The following PCDHA3 variants were observed in gnomAD, a reference collection of about 807,000 sequenced individuals.
PCDHA3 encodes protocadherin alpha-3.
In PCDHA3, 41 loss-of-function variants were observed where a neutral mutation model predicts 62.2. The ratio of observed to expected loss-of-function variants is 0.66; its 90% CI spans 0.51 to 0.86. The LOEUF (loss-of-function observed/expected upper bound fraction) is 0.86. Among genes scored for constraint, PCDHA3 ranks in the 40% least tolerant of loss-of-function variants. The probability of loss-of-function intolerance (pLI) is 0.00; values close to 1 mark genes in which losing one functional copy is unlikely to be tolerated. For missense variants in PCDHA3, 1,304 were observed against 1,241.2 expected (o/e 1.05, Z -0.76); for synonymous variants, 640 against 555.4 (o/e 1.15, Z -2.14).
At position 140,836,025 on chromosome 5, in the gene PCDHA3, A is replaced by G. The variant is rs2150250973; in HGVS notation, c.2394+32434A>G. 6 of 1,613,528 alleles carry G rather than the reference A, an allele frequency of 3.7e-6. 1 individual carries two copies. In the South Asian group the frequency reaches 5.5e-5, roughly 15 times the overall value. Reference sequence around the variant, plus strand: ...TGCGGGCGTGCCGCCTCTGGGCAGCAACGTGACGCTGCAGGTGTTCGTGCT... The same window carrying G: ...TGCGGGCGTGCCGCCTCTGGGCAGCGACGTGACGCTGCAGGTGTTCGTGCT... On this transcript the variant is annotated intron_variant, in intron 1 of 3. Coordinates refer to ENST00000522353, the MANE Select transcript of PCDHA3 (RefSeq NM_018906.3).
chr5:140,802,605 C>T lies in PCDHA3; in HGVS notation c.1408C>T (p.Pro470Ser), dbSNP rs782236184. 6.2e-7 allele frequency: 1 copy of T among 1,614,074 alleles called. No individual in the cohort carries two copies. Among genetic ancestry groups the T allele is most frequent in the Non-Finnish European group, 8.5e-7 (1 of 1,179,974 alleles). The change falls in exon 1 of 4, where the codon CCG (proline) becomes TCG (serine). Residue 470 changes from proline to serine, a missense_variant. Transcript: ENST00000522353. ...GGTGTTCGTGAAGGAGAACAACCCG[C>T]CGGGCTGCCACATCTTCACGGTGTC... ...YTVFVKENNPPGCHIFTVSAR... is the reference protein window; with the variant it reads ...YTVFVKENNPSGCHIFTVSAR...
intron 1 of PCDHA3, chr5:140,807,083 A>G: frequency 1.6e-6 from 2 of 1,274,064 alleles, no homozygotes; most frequent in Admixed American, 2.2e-5. Flanking sequence ...CACTCTTTGG[A>G]GTCTGAAATA....
intron 1 of PCDHA3, chr5:140,853,622 T>C: frequency 2.0e-6 from 2 of 988,456 alleles, no homozygotes; most frequent in Non-Finnish European, 2.4e-6. Context: ...TAAATAAGTA[T>C]ACAAGATCAC....
At position 140,801,917 on chromosome 5, in the gene PCDHA3, A is replaced by G. The variant is rs1554121766; in HGVS notation, c.720A>G (p.Pro240=). The change falls in exon 1 of 4, where the codon CCA becomes CCG. Residue 240 remains proline (P), a synonymous_variant. Transcript: ENST00000522353. ...ITVLDVNDNA[P]AFERTIYKVR... ...TTTTAGATGTAAACGACAACGCCCC[A>G]GCGTTTGAGAGGACGATCTATAAAG... 6.2e-7 allele frequency: 1 copy of G among 1,614,218 alleles called. No homozygotes were observed. The highest frequency in any genetic ancestry group is 8.5e-7 in the Non-Finnish European group (1 of 1,180,038).
chr5:140,882,637 G>A (rs540228460), intron 1 of PCDHA3: 1 of 1,614,234 alleles, frequency 6.2e-7, no homozygotes, highest in African/African-American at 1.3e-5. Flanking sequence ...AGGTGAAGGT[G>A]AGGGACATTA....
In PCDHA3 at chr5:140,942,596, A is replaced by T. The variant is rs116159999; in HGVS notation, c.2395-36353A>T. On this transcript the variant is annotated intron_variant, in intron 1 of 3. Coordinates refer to ENST00000522353, the MANE Select transcript of PCDHA3 (RefSeq NM_018906.3). ...CCCATATAGGATGTCACATATAATT[A>T]TAGTGTTTATATTTGCCAATTGTAA... 7.0e-3 allele frequency among the ~76,000 whole-genome samples: 992 copies of T among 142,408 alleles called. 16 individuals carry two copies. Among genetic ancestry groups the T allele is most frequent in the African/African-American group, 0.025 (912 of 36,952 alleles). 93.4% of individuals were successfully genotyped at this position (142,408 alleles called of 152,430 possible).
At chr5:140,902,125 A>G (rs530625414) in intron 1 of PCDHA3, among the ~76,000 whole-genome samples, 27 of 150,728 alleles carry the variant, frequency 1.8e-4, no homozygotes, top group African/African-American at 6.1e-4. Context: ...CTGAGATTAT[A>G]TCATCTGCAA....
chr5:140,850,760 G>T lies in PCDHA3; in HGVS notation c.2394+47169G>T. 1.3e-6 allele frequency: 2 copies of T among 1,598,100 alleles called. 1 individual carries two copies. The highest frequency in any genetic ancestry group is 1.7e-6 in the Non-Finnish European group (2 of 1,167,646). On this transcript the variant is annotated intron_variant, in intron 1 of 3. Coordinates refer to ENST00000522353, the MANE Select transcript of PCDHA3 (RefSeq NM_018906.3). ...GTTGGTCGTACTCGCAGCAGAGGAGGCAGAGGGTGTGCTCTGGCGAGGGTA... is the reference window on the plus strand; with the variant it reads ...GTTGGTCGTACTCGCAGCAGAGGAGTCAGAGGGTGTGCTCTGGCGAGGGTA...
chr5:140,871,011 G>C, intron 1 of PCDHA3: 1 of 1,613,324 alleles, frequency 6.2e-7, no homozygotes, highest in Non-Finnish European at 8.5e-7. Context: ...CGCGTGCCCT[G>C]GACGAGGCAG....
At chr5:140,828,077 C>G (rs2150150614) in intron 1 of PCDHA3, 2 of 1,577,254 alleles carry the variant, frequency 1.3e-6, no homozygotes, top group South Asian at 1.2e-5. Context: ...GGAAATAAAA[C>G]CAGAGGTATT....
At chr5:141,000,414 TATATA>T (rs1398508145) in intron 3 of PCDHA3, among the ~76,000 whole-genome samples, 89 of 99,526 alleles carry the variant, frequency 8.9e-4, no homozygotes, top group African/African-American at 1.6e-3. Context: ...TATATATATA[TATATA>T]TATTTTTTTT....
chr5:140,803,182 C>A lies in PCDHA3; in HGVS notation c.1985C>A (p.Thr662Lys). The stretch of plus-strand genomic sequence containing the variant: ...CACGGTGAACCCTCATTGACCGCCA[C>A]GGCCACTGTGCTGGTGTCGCTGGTG... Reference protein sequence around the residue: ...KDHGEPSLTATATVLVSLVES... With the variant: ...KDHGEPSLTAKATVLVSLVES... The change falls in exon 1 of 4, where the codon ACG (threonine) becomes AAG (lysine). Residue 662 changes from threonine (T) to lysine (K), a missense_variant. By Grantham distance (78) the Thr-to-Lys change is moderately conservative (BLOSUM62 -1). Coordinates refer to ENST00000522353, the MANE Select transcript of PCDHA3 (RefSeq NM_018906.3). 1.2e-6 allele frequency: 2 copies of A among 1,613,918 alleles called. No homozygotes were observed. The highest frequency in any genetic ancestry group is 1.6e-4 in the Middle Eastern group (1 of 6,062).
chr5:140,807,430 T>C (rs1554124007), intron 1 of PCDHA3: 3 of 1,597,568 alleles, frequency 1.9e-6, no homozygotes, highest in Non-Finnish European at 2.6e-6. Context: ...ATCTGCAGAA[T>C]GGCATTTTGT....
At chr5:140,871,496 T>C in intron 1 of PCDHA3, 1 of 1,587,392 alleles carries the variant, frequency 6.3e-7, no homozygotes, top group Non-Finnish European at 8.6e-7. Flanking sequence ...CCCGGACAGG[T>C]GAGTTTTCTA....
At chr5:140,923,134 G>C (rs962370475) in intron 1 of PCDHA3, among the ~76,000 whole-genome samples, 2 of 152,106 alleles carry the variant, frequency 1.3e-5, no homozygotes, top group Non-Finnish European at 1.5e-5. Flanking sequence ...CACTTTGAAG[G>C]TGGAATATAA....
chr5:141,003,017 G>T (rs1398844749), intron 3 of PCDHA3, among the ~76,000 whole-genome samples: 1 of 152,240 alleles, frequency 6.6e-6, no homozygotes, highest in Non-Finnish European at 1.5e-5. Flanking sequence ...GGGAAAGTCA[G>T]TGTAAATCAG....
chr5:140,856,542 CA>C (rs2044078032), intron 1 of PCDHA3: 1 of 1,598,136 alleles, frequency 6.3e-7, no homozygotes, highest in Admixed American at 1.7e-5. Context: ...GGAGAGAACG[CA>C]TTGCTTACTT....
At chr5:140,971,807 T>C in intron 1 of PCDHA3, among the ~76,000 whole-genome samples, 1 of 152,270 alleles carries the variant, frequency 6.6e-6, no homozygotes, top group Middle Eastern at 3.4e-3. Context: ...TATTATAATA[T>C]TGAATACATA....
At chr5:140,871,376 G>A in intron 1 of PCDHA3, 2 of 1,614,196 alleles carry the variant, frequency 1.2e-6, no homozygotes, top group Non-Finnish European at 1.7e-6. Flanking sequence ...CAGAGGGTGT[G>A]CTCTGAGGAG....
Sources: gnomAD v4.1 joint callset for allele counts (sites outside exome capture counted in the v4.1 genomes callset) on GRCh38, gnomAD v4.1.1 for gene constraint, MANE v1.5 for transcripts, NCBI Gene and HGNC (gene_info 2026-07-23, HGNC 2026-07-21) for gene names.